Variants in GLRA2 observed in about 807,000 individuals in gnomAD.
GLRA2 encodes glycine receptor subunit alpha-2.
In GLRA2, 11 loss-of-function variants were observed where a neutral mutation model predicts 31.6. The ratio of observed to expected loss-of-function variants is 0.35; its 90% CI spans 0.22 to 0.58. The LOEUF (loss-of-function observed/expected upper bound fraction) is 0.58. Among genes scored for constraint, GLRA2 ranks in the 20% least tolerant of loss-of-function variants. GLRA2 has a pLI of 0.84. For synonymous variants in GLRA2, 132 were observed against 134.0 expected (o/e 0.99, Z 0.10); for missense variants, 212 against 351.8 (o/e 0.60, Z 3.18).
intron 4 of GLRA2, among the ~76,000 whole-genome samples, chrX:14,601,001 GTTTTT>G (rs746340611): frequency 1.0e-3 from 62 of 60,480 alleles, no homozygotes; most frequent in Middle Eastern, 0.02. Flanking sequence ...CTTTGTTGTT[GTTTTT>G]TTTTTTGTTT....
At chrX:14,452,126 G>GTT in the GLRA2 span, among the ~76,000 whole-genome samples, 69 of 112,410 alleles carry the variant, frequency 6.1e-4, no homozygotes, top group Non-Finnish European at 5.1e-4. Context: ...ATATATCCAT[G>GTT]TAACAAACCT....
At chrX:14,558,387 A>G (rs2089680307) in intron 2 of GLRA2, among the ~76,000 whole-genome samples, 1 of 112,105 alleles carries the variant, frequency 8.9e-6, no homozygotes, top group African/African-American at 3.2e-5. Context: ...GCAGCTGTTT[A>G]AAGTTGACAG....
the GLRA2 span, among the ~76,000 whole-genome samples, chrX:14,474,149 C>T: frequency 8.9e-6 from 1 of 111,794 alleles, no homozygotes; most frequent in Non-Finnish European, 1.9e-5. Context: ...TCATGATGTA[C>T]AATCCGTTAT....
intron 2 of GLRA2, among the ~76,000 whole-genome samples, chrX:14,559,849 C>T (rs2089703013): frequency 9.0e-6 from 1 of 111,635 alleles, no homozygotes; most frequent in African/African-American, 3.3e-5. Context: ...ACAATCATGA[C>T]ATTTAAAAAA....
Position 14,530,006 on chromosome X carries a change from A to G in GLRA2, c.-52A>G. Reference sequence around the variant, plus strand: ...CAATAAACAGACACTTTGTCCTAGCATCTTTCTGGAATCATTTCGGGATAT... The same window carrying G: ...CAATAAACAGACACTTTGTCCTAGCGTCTTTCTGGAATCATTTCGGGATAT... On this transcript the variant is annotated 5_prime_UTR_variant, in exon 1 of 9. Transcript: ENST00000218075. The G allele has an allele frequency of 1.1e-6, 1 of 920,221 alleles. No homozygotes were observed. 75.8% of individuals were successfully genotyped at this position (920,221 alleles called of 1,213,427 possible). A position where few individuals can be genotyped will look rare whatever the true frequency, so the allele number is the denominator to read the frequency against.
rs2091991847 is a variant in GLRA2, at chrX:14,731,368, T to G, written c.*883T>G. 1 of 111,885 alleles carries G rather than the reference T, an allele frequency of 8.9e-6. No individual in the cohort carries two copies. The highest frequency in any genetic ancestry group is 9.6e-5 in the Admixed American group (1 of 10,430). 9.2% of individuals were successfully genotyped at this position (111,885 alleles called of 1,213,427 possible). On this transcript the variant is annotated 3_prime_UTR_variant, in exon 9 of 9. Coordinates refer to ENST00000218075, the MANE Select transcript of GLRA2 (RefSeq NM_002063.4). ...GCTTTGGCTATATTTACACGTGACT[T>G]TAATCGCCCAACTGTGACTAGTCAT... is the stretch of plus-strand genomic sequence containing the variant.
At chrX:14,628,117 A>C (rs1363671983) in intron 7 of GLRA2, among the ~76,000 whole-genome samples, 1 of 111,464 alleles carries the variant, frequency 9.0e-6, no homozygotes, top group Non-Finnish European at 1.9e-5. Context: ...GGGGTATACT[A>C]ATGTCCAGGC....
the GLRA2 span, among the ~76,000 whole-genome samples, chrX:14,519,275 A>G: frequency 9.0e-6 from 1 of 111,619 alleles, no homozygotes; most frequent in South Asian, 3.7e-4. Context: ...TGAGAGATAA[A>G]TCCCAATCCA....
At chrX:14,598,608 G>A (rs111423004) in intron 4 of GLRA2, among the ~76,000 whole-genome samples, 8 of 111,871 alleles carry the variant, frequency 7.2e-5, no homozygotes, top group Admixed American at 2.8e-4. Flanking sequence ...GCAACTTAGC[G>A]GAGGCACCAG....
chrX:14,509,924 G>A, the GLRA2 span, among the ~76,000 whole-genome samples: 34 of 111,853 alleles, frequency 3.0e-4, no homozygotes, highest in Middle Eastern at 4.6e-3. Context: ...GGAAAGTAAT[G>A]TTTGCTCACA....
At position 14,731,568 on chromosome X, in the gene GLRA2, T is replaced by TTAAC. The variant is rs1285027795; in HGVS notation, c.*1089_*1092dup. 8.9e-6 allele frequency: 1 copy of TTAAC among 111,983 alleles called. No individual in the cohort carries two copies. The highest frequency in any genetic ancestry group is 1.9e-5 in the Non-Finnish European group (1 of 53,169). The allele number at this position is 111,983 out of a possible 1,213,427, so 9.2% of individuals were successfully genotyped here. On this transcript the variant is annotated 3_prime_UTR_variant, in exon 9 of 9. Transcript: ENST00000218075. ...TAAGTGAACATTGTTTTAAATATCC[T>TTAAC]TAACTAACTTAAAGAATTTTAAAAT...
At chrX:14,626,877 TA>T (rs2090594491) in intron 7 of GLRA2, among the ~76,000 whole-genome samples, 1 of 111,977 alleles carries the variant, frequency 8.9e-6, no homozygotes, top group Non-Finnish European at 1.9e-5. Flanking sequence ...AACAAAAGAA[TA>T]TTTGCTGCAT....
chrX:14,574,519 T>C, intron 3 of GLRA2, 119 bp downstream of exon 3: 1 of 1,205,191 alleles, frequency 8.3e-7, no homozygotes, highest in Non-Finnish European at 1.1e-6. Context: ...ACCTGCAACA[T>C]ATTTATCAAC....
chrX:14,483,998 T>C, the GLRA2 span, among the ~76,000 whole-genome samples: 1 of 111,482 alleles, frequency 9.0e-6, no homozygotes, highest in Non-Finnish European at 1.9e-5. Flanking sequence ...TCCAAGTTCT[T>C]CAGTTTTGGA....
intron 2 of GLRA2, among the ~76,000 whole-genome samples, chrX:14,536,081 C>T (rs955628994): frequency 8.9e-6 from 1 of 112,026 alleles, no homozygotes; most frequent in Admixed American, 9.5e-5. Context: ...TTTGTGCCTG[C>T]CATGCACACT....
chrX:14,614,189 T>C (rs764970973), intron 7 of GLRA2, among the ~76,000 whole-genome samples: 1 of 111,278 alleles, frequency 9.0e-6, no homozygotes, highest in South Asian at 3.8e-4. Context: ...TTCACCATTG[T>C]TGAGGGCTGA....
chrX:14,554,012 C>T (rs763416375), intron 2 of GLRA2, among the ~76,000 whole-genome samples: 18 of 112,308 alleles, frequency 1.6e-4, no homozygotes, highest in African/African-American at 3.2e-4. Flanking sequence ...ACACAAACTA[C>T]GTAAGCACCC....
chrX:14,715,821 T>G (rs1028825489), intron 8 of GLRA2, among the ~76,000 whole-genome samples: 1 of 111,408 alleles, frequency 9.0e-6, no homozygotes, highest in Admixed American at 9.6e-5. Flanking sequence ...GAGTGGTCAT[T>G]AAGGAGATGA....
chrX:14,544,832 C>T (rs1332813239), intron 2 of GLRA2, among the ~76,000 whole-genome samples: 1 of 111,169 alleles, frequency 9.0e-6, no homozygotes, highest in African/African-American at 3.3e-5. Context: ...TTACTAGTTC[C>T]TCCTCCATGC....
Sources: gnomAD v4.1 joint callset for allele counts (sites outside exome capture counted in the v4.1 genomes callset) on GRCh38, gnomAD v4.1.1 for gene constraint, MANE v1.5 for transcripts, NCBI Gene and HGNC (gene_info 2026-07-23, HGNC 2026-07-21) for gene names.